TCN2: variants seen among roughly 807,000 people sequenced by gnomAD.
TCN2 encodes the protein transcobalamin 2, also known as transcobalamin-2.
A neutral mutation model predicts 48.6 loss-of-function variants in TCN2; 34 were observed. That is an observed-to-expected ratio of 0.70 (90% CI 0.53 to 0.93). The LOEUF (loss-of-function observed/expected upper bound fraction) is 0.93, where lower values mean the gene tolerates loss of function less well. TCN2 is among the 40% of genes least tolerant of loss of function. The pLI is 0.00. For missense variants in TCN2, 652 were observed against 526.1 expected (o/e 1.24, Z -2.34); for synonymous variants, 283 against 212.5 (o/e 1.33, Z -2.89).
rs764279003 is a variant in TCN2, at chr22:30,626,683, C to G, written c.*162C>G. The stretch of plus-strand genomic sequence containing the variant: ...CCCAGCCACAAGCCCTTCGAGGGCC[C>G]TATACCATGGCCCACCTTGGAGCAG... On this transcript the variant is annotated 3_prime_UTR_variant, in exon 9 of 9. Coordinates refer to ENST00000215838, the MANE Select transcript of TCN2 (RefSeq NM_000355.4). 9.1e-6 allele frequency: 7 copies of G among 768,778 alleles called. No homozygotes were observed. The highest frequency in any genetic ancestry group is 4.2e-5 in the Admixed American group (2 of 47,698). The allele number at this position is 768,778 out of a possible 1,614,324, so 47.6% of individuals were successfully genotyped here.
intron 2 of TCN2, among the ~76,000 whole-genome samples, 161 bp from the exon 3 acceptor site, chr22:30,612,712 A>G (rs2087559660): frequency 6.6e-6 from 1 of 152,178 alleles, no homozygotes; most frequent in Non-Finnish European, 1.5e-5. Flanking sequence ...TGTGGCATAC[A>G]CCTCACAACA....
At position 30,626,548 on chromosome 22, in the gene TCN2, C is replaced by G; in HGVS notation, c.*27C>G. 1 of 1,613,344 alleles carries G rather than the reference C, an allele frequency of 6.2e-7. No homozygotes were observed. The highest frequency in any genetic ancestry group is 8.5e-7 in the Non-Finnish European group (1 of 1,179,642). Reference sequence around the variant, plus strand: ...CCCTGAGCTCCCTCATCCCAGCAGCCTCGCACACTCCCTAGGCTTCTACCC... The same window carrying G: ...CCCTGAGCTCCCTCATCCCAGCAGCGTCGCACACTCCCTAGGCTTCTACCC... On this transcript the variant is annotated 3_prime_UTR_variant, in exon 9 of 9. Transcript: ENST00000215838.
At chr22:30,611,521 T>C (rs2087541148) in intron 2 of TCN2, among the ~76,000 whole-genome samples, 1 of 152,126 alleles carries the variant, frequency 6.6e-6, no homozygotes, top group Non-Finnish European at 1.5e-5. Context: ...AGCAGCATCT[T>C]TTCTTTTCTT....
chr22:30,621,378 A>G lies in TCN2; in HGVS notation c.1107-1590A>G, dbSNP rs150939986. 1.2e-3 allele frequency among the ~76,000 whole-genome samples: 180 copies of G among 152,286 alleles called. 1 individual carries two copies. The highest frequency in any genetic ancestry group is 1.1e-3 in the Non-Finnish European group (76 of 68,028). Reference sequence around the variant, plus strand: ...TATTACCCCAGAGAGCACTTTGTAGAAGATGCGTTTGTTCACATCACTTCC... The same window carrying G: ...TATTACCCCAGAGAGCACTTTGTAGGAGATGCGTTTGTTCACATCACTTCC... On this transcript the variant is annotated intron_variant, in intron 7 of 8. Transcript: ENST00000215838.
At position 30,610,980 on chromosome 22, in the gene TCN2, A is replaced by G. The variant is rs764601482; in HGVS notation, c.174A>G (p.Leu58=). 8.7e-6 allele frequency: 14 copies of G among 1,614,054 alleles called. No individual in the cohort carries two copies. Among genetic ancestry groups the G allele is most frequent in the African/African-American group, 6.7e-5 (5 of 74,912 alleles). ...TGAACCCCAGCATCTATGTGGGCCT[A>G]CGCCTCTCCAGTCTGCAGGCTGGGA... is the stretch of plus-strand genomic sequence containing the variant. The part of the protein sequence containing the change: ...EHLNPSIYVG[L]RLSSLQAGTK... Residue 58 remains leucine (L), a synonymous_variant, in exon 2 of 9, where the codon CTA becomes CTG. Coordinates refer to ENST00000215838, the MANE Select transcript of TCN2 (RefSeq NM_000355.4).
At chr22:30,626,002 CAA>C (rs529643746) in intron 8 of TCN2, among the ~76,000 whole-genome samples, 140 of 152,282 alleles carry the variant, frequency 9.2e-4, no homozygotes, top group Middle Eastern at 6.8e-3. Flanking sequence ...ACATCACCAA[CAA>C]GAGCAGCGAC....
In TCN2 at chr22:30,615,306, G is replaced by C; in HGVS notation, c.586G>C (p.Ala196Pro). ...GTTCTGTCCCCCACTTCAAGACACA[G>C]CAGCCATGGCAGGCTTGGCATTCAC... ...FHQGHHSVDT[A>P]AMAGLAFTCL... The change falls in exon 5 of 9, where the codon GCA becomes CCA. Residue 196 changes from alanine to proline, a missense_variant. Coordinates refer to ENST00000215838, the MANE Select transcript of TCN2 (RefSeq NM_000355.4). 6.2e-7 allele frequency: 1 copy of C among 1,614,188 alleles called. No homozygotes were observed. The highest frequency in any genetic ancestry group is 8.5e-7 in the Non-Finnish European group (1 of 1,180,036).
intron 8 of TCN2, among the ~76,000 whole-genome samples, chr22:30,623,453 T>C (rs1315608017): frequency 6.6e-6 from 1 of 151,872 alleles, no homozygotes; most frequent in Non-Finnish European, 1.5e-5. Context: ...CCTGGGTTCA[T>C]GTGATTCTTC....
In TCN2 at chr22:30,615,721, C is replaced by T. The variant is rs1165291370; in HGVS notation, c.874C>T (p.Leu292=). ...AFQNALMISQ[L]LPVLNHKTYI... ...CCAGAATGCTCTCATGATTTCCCAG[C>T]TGCTGCCCGTTCTGAACCACAAGAC... Residue 292 remains leucine (L), a synonymous_variant, in exon 6 of 9, where the codon CTG becomes TTG. Transcript: ENST00000215838. The T allele has an allele frequency of 1.9e-6, 3 of 1,614,122 alleles. No homozygotes were observed. Among genetic ancestry groups the T allele is most frequent in the Admixed American group, 1.7e-5 (1 of 60,002 alleles).
At chr22:30,623,330 CACCTAGGATATACT>C in intron 8 of TCN2, 1 of 505,462 alleles carries the variant, frequency 2.0e-6, no homozygotes, top group South Asian at 2.3e-5. Context: ...AAATTAACAT[CACCTAGGATATACT>C]ACCTAGGAAT....
At chr22:30,613,908 C>CA (rs1387483402) in intron 3 of TCN2, among the ~76,000 whole-genome samples, 1 of 152,132 alleles carries the variant, frequency 6.6e-6, no homozygotes, top group Non-Finnish European at 1.5e-5. Context: ...ACTCATAAGC[C>CA]AGTTTTTTCA....
intron 7 of TCN2, among the ~76,000 whole-genome samples, chr22:30,621,672 T>TG (rs1403503604): frequency 6.6e-6 from 1 of 152,204 alleles, no homozygotes; most frequent in Non-Finnish European, 1.5e-5. Flanking sequence ...TTAGTAGAGA[T>TG]GGGGTTTCAC....
At chr22:30,609,568 G>GA (rs2145534167) in intron 1 of TCN2, among the ~76,000 whole-genome samples, 1 of 126,570 alleles carries the variant, frequency 7.9e-6, no homozygotes, top group African/African-American at 3.1e-5. Flanking sequence ...CAAGAAAAGG[G>GA]AAAAGGAAAG....
chr22:30,608,695 T>TC (rs1414775522), intron 1 of TCN2, among the ~76,000 whole-genome samples: 1 of 151,942 alleles, frequency 6.6e-6, no homozygotes, highest in East Asian at 1.9e-4. Context: ...CGGCCAGAAC[T>TC]CCAAGCCTCT....
intron 8 of TCN2, 38 bp from the exon 9 acceptor site, chr22:30,626,422 G>A: frequency 6.2e-7 from 1 of 1,610,314 alleles, no homozygotes. Flanking sequence ...GCGATATTCT[G>A]CCCAATTCGC....
chr22:30,622,497 G>A (rs544515848), intron 7 of TCN2, among the ~76,000 whole-genome samples: 2 of 152,304 alleles, frequency 1.3e-5, no homozygotes, highest in South Asian at 4.2e-4. Context: ...ATGCAGCCCC[G>A]AGAAGAGGGG....
intron 1 of TCN2, 89 bp from the exon 2 acceptor site, chr22:30,610,782 T>A: frequency 7.1e-7 from 1 of 1,408,244 alleles, no homozygotes; most frequent in Non-Finnish European, 1.0e-6. Flanking sequence ...AGGACATGTA[T>A]TCTCTGGAGA....
intron 4 of TCN2, 107 bp from the exon 5 acceptor site, chr22:30,615,194 G>T: frequency 1.6e-6 from 2 of 1,212,530 alleles, no homozygotes; most frequent in Non-Finnish European, 1.2e-6. Context: ...TCTTCTCCAA[G>T]CCCTCCTGTG....
chr22:30,612,245 T>TA (rs34767507), intron 2 of TCN2, among the ~76,000 whole-genome samples: 16,813 of 142,626 alleles, frequency 0.12, 1,007 homozygotes, highest in Admixed American at 0.18. Flanking sequence ...CCTATCTCAG[T>TA]AAAAAAAAAA....
Sources: allele counts gnomAD v4.1 joint callset (sites outside exome capture counted in the v4.1 genomes callset), GRCh38; gene constraint gnomAD v4.1.1; transcripts MANE v1.5; gene names NCBI Gene and HGNC (gene_info 2026-07-23, HGNC 2026-07-21).